Variants in CDH13 observed in about 807,000 individuals in gnomAD.
CDH13 encodes cadherin 13.
CDH13 carries 24 observed loss-of-function variants against 63.8 expected under a neutral mutation model. The ratio of observed to expected loss-of-function variants is 0.38; its 90% CI spans 0.27 to 0.53. The LOEUF (loss-of-function observed/expected upper bound fraction) is 0.53. Ranked by LOEUF, CDH13 falls within the 20% of genes least tolerant of loss-of-function variation. The pLI is 0.85. For missense variants in CDH13, 1,049 were observed against 903.1 expected, an observed-to-expected ratio of 1.16 and a Z score of -2.07; for synonymous variants, 503 against 355.3, an observed-to-expected ratio of 1.42 and a Z score of -4.67.
At position 83,081,320 on chromosome 16, in the gene CDH13, A is replaced by G. The variant is rs183263891; in HGVS notation, c.367-44065A>G. Among the ~76,000 whole-genome samples the G allele has an allele frequency of 1.7e-3, 257 of 152,248 alleles. 1 individual carries two copies. The highest frequency in any genetic ancestry group is 6.0e-3 in the African/African-American group (251 of 41,534). On this transcript the variant is annotated intron_variant, in intron 3 of 13. Transcript: ENST00000567109. ...GGTGAATGGGATAGACATGGTCTATATTTCAGAGGCCTACTAGTATACAGT... is the reference window on the plus strand; with the variant it reads ...GGTGAATGGGATAGACATGGTCTATGTTTCAGAGGCCTACTAGTATACAGT...
chr16:83,249,389 T>G (rs1905268792), intron 5 of CDH13, among the ~76,000 whole-genome samples: 1 of 152,200 alleles, frequency 6.6e-6, no homozygotes, highest in Non-Finnish European at 1.5e-5. Flanking sequence ...TTGTCTTACT[T>G]CTTCACAGAG....
Position 83,678,474 on chromosome 16 carries a change from C to T in CDH13, c.1538+13C>T, listed in dbSNP as rs1915144608. The T allele has an allele frequency of 2.5e-6, 4 of 1,613,668 alleles. No individual in the cohort carries two copies. In the South Asian group the frequency reaches 4.4e-5, roughly 18 times the overall value. ...ATCAAACCATCAGGTGGGTGAGTGG[C>T]TCCGGAACCACAGACGGGAGGTGGG... is the stretch of plus-strand genomic sequence containing the variant. On this transcript the variant is annotated intron_variant, in intron 10 of 13. Transcript: ENST00000567109.
intron 5 of CDH13, among the ~76,000 whole-genome samples, chr16:83,272,754 A>C (rs1403194914): frequency 6.6e-6 from 1 of 152,116 alleles, no homozygotes; most frequent in Non-Finnish European, 1.5e-5. Flanking sequence ...CTTTCCTTGA[A>C]AACTGGAGGA....
intron 1 of CDH13, among the ~76,000 whole-genome samples, chr16:82,855,959 A>G (rs1036056108): frequency 3.3e-5 from 5 of 152,180 alleles, no homozygotes; most frequent in African/African-American, 7.2e-5. Flanking sequence ...ATTTTCTTCA[A>G]CTGTCTGTGT....
At chr16:83,631,675 T>C (rs534956181) in intron 8 of CDH13, among the ~76,000 whole-genome samples, 1 of 152,000 alleles carries the variant, frequency 6.6e-6, no homozygotes, top group Admixed American at 6.6e-5. Flanking sequence ...GAAGTGACAC[T>C]TGTCAGCATC....
chr16:83,541,806 G>T (rs1029432290), intron 7 of CDH13, among the ~76,000 whole-genome samples: 1 of 152,200 alleles, frequency 6.6e-6, no homozygotes, highest in East Asian at 1.9e-4. Flanking sequence ...ACCACATCAG[G>T]TTTCTTCATG....
intron 1 of CDH13, chr16:82,639,420 C>A (rs927042269): frequency 6.5e-7 from 1 of 1,535,522 alleles, no homozygotes; most frequent in Admixed American, 2.0e-5. Flanking sequence ...GTGAGAATGG[C>A]CCACAGATGC....
At chr16:83,400,109 A>C (rs2091945676) in intron 6 of CDH13, among the ~76,000 whole-genome samples, 1 of 151,568 alleles carries the variant, frequency 6.6e-6, no homozygotes, top group African/African-American at 2.4e-5. Flanking sequence ...TGAGGCCTAG[A>C]TAATTCTGAT....
chr16:83,244,227 C>T (rs932850160), intron 5 of CDH13, among the ~76,000 whole-genome samples: 11 of 152,066 alleles, frequency 7.2e-5, no homozygotes, highest in African/African-American at 2.7e-4. Context: ...TCCAAGAGGG[C>T]TGAGACTGCA....
intron 1 of CDH13, among the ~76,000 whole-genome samples, chr16:82,732,182 A>G (rs1481828170): frequency 6.6e-6 from 1 of 152,168 alleles, no homozygotes. Flanking sequence ...TTCCCCAGGT[A>G]GATAGGTCCA....
chr16:83,736,937 G>T (rs1204266636), intron 10 of CDH13, among the ~76,000 whole-genome samples: 1 of 152,208 alleles, frequency 6.6e-6, no homozygotes, highest in Non-Finnish European at 1.5e-5. Flanking sequence ...GAAGATGTGT[G>T]CAGTCCCTGG....
At chr16:83,138,128 G>C (rs1417937905) in intron 4 of CDH13, among the ~76,000 whole-genome samples, 1 of 152,140 alleles carries the variant, frequency 6.6e-6, no homozygotes, top group African/African-American at 2.4e-5. Flanking sequence ...GCTGTCTTCT[G>C]TTGCATCGGG....
At chr16:83,720,643 G>A (rs898996064) in intron 10 of CDH13, among the ~76,000 whole-genome samples, 1 of 151,940 alleles carries the variant, frequency 6.6e-6, no homozygotes, top group South Asian at 2.1e-4. Context: ...ATTTCAGGCA[G>A]ACCATCTCGT....
chr16:83,110,091 C>G (rs1303207899), intron 3 of CDH13, among the ~76,000 whole-genome samples: 2 of 152,164 alleles, frequency 1.3e-5, no homozygotes, highest in Non-Finnish European at 2.9e-5. Context: ...GGGTTATTTT[C>G]TGTTGCTGTT....
At chr16:83,649,350 A>G (rs1353871882) in intron 8 of CDH13, among the ~76,000 whole-genome samples, 1 of 152,088 alleles carries the variant, frequency 6.6e-6, no homozygotes, top group African/African-American at 2.4e-5. Flanking sequence ...TGTGCTCCCT[A>G]CCTTCATTGC....
intron 3 of CDH13, among the ~76,000 whole-genome samples, chr16:83,056,857 T>C (rs1476633653): frequency 6.6e-6 from 1 of 152,216 alleles, no homozygotes; most frequent in Non-Finnish European, 1.5e-5. Flanking sequence ...CTCTCTTGCC[T>C]GCTGCCGTGT....
chr16:83,598,868 A>G (rs572012510), intron 7 of CDH13, among the ~76,000 whole-genome samples: 4 of 152,218 alleles, frequency 2.6e-5, no homozygotes, highest in Non-Finnish European at 5.9e-5. Context: ...CAAGTTTAAC[A>G]GAAAGATAAC....
chr16:82,926,322 G>A (rs562869972), intron 2 of CDH13, among the ~76,000 whole-genome samples: 1 of 151,502 alleles, frequency 6.6e-6, no homozygotes, highest in African/African-American at 2.4e-5. Context: ...GAAGACCATT[G>A]TTTTGCAGAT....
chr16:83,261,827 C>G (rs896422632), intron 5 of CDH13, among the ~76,000 whole-genome samples: 1 of 151,970 alleles, frequency 6.6e-6, no homozygotes, highest in Non-Finnish European at 1.5e-5. Context: ...TGCTGTACCT[C>G]TCAATACTGG....
Sources: gnomAD v4.1 joint callset for allele counts (sites outside exome capture counted in the v4.1 genomes callset) on GRCh38, gnomAD v4.1.1 for gene constraint, MANE v1.5 for transcripts, NCBI Gene and HGNC (gene_info 2026-07-23, HGNC 2026-07-21) for gene names.